The following ARID5B variants were observed in gnomAD, a reference collection of about 807,000 sequenced individuals.
ARID5B encodes AT-rich interactive domain-containing protein 5B.
A neutral mutation model predicts 97.2 loss-of-function variants in ARID5B; 13 were observed. The observed-to-expected ratio is 0.13, with a 90% confidence interval of 0.09 to 0.21. ARID5B has a LOEUF of 0.21. Ranked by LOEUF, ARID5B falls within the 10% of genes least tolerant of loss-of-function variation. The pLI is 1.00. For missense variants in ARID5B, 1,210 were observed against 1,465.3 expected, an observed-to-expected ratio of 0.83 and a Z score of 2.84; for synonymous variants, 556 against 570.3, an observed-to-expected ratio of 0.97 and a Z score of 0.36.
At chr10:61,928,753 CT>C in intron 2 of ARID5B, among the ~76,000 whole-genome samples, 1 of 152,312 alleles carries the variant, frequency 6.6e-6, no homozygotes, top group Non-Finnish European at 1.5e-5. Flanking sequence ...AAAGCTTCAT[CT>C]TGTTTGATCC....
At chr10:61,926,273 T>C (rs542245864) in intron 2 of ARID5B, among the ~76,000 whole-genome samples, 55 of 152,280 alleles carry the variant, frequency 3.6e-4, no homozygotes, top group African/African-American at 1.3e-3. Context: ...CCCCAGGGAA[T>C]TGGCAGGAGG....
At position 62,095,618 on chromosome 10, in the gene ARID5B, TGGG is replaced by T. The variant is rs1338090423; in HGVS notation, c.*2591_*2593del. On this transcript the variant is annotated 3_prime_UTR_variant, in exon 10 of 10. Transcript: ENST00000279873. ...AAACATCAGGACAAATAAAGAGAAA[TGGG>T]GGTACGCATTCCCAACAGAAGCAGT... 16 of 233,274 alleles carry T rather than the reference TGGG, an allele frequency of 6.9e-5. No homozygotes were observed. The East Asian group carries it at 9.7e-4, about 14-fold the overall frequency. 14.5% of individuals were successfully genotyped at this position (233,274 alleles called of 1,614,324 possible).
Position 62,000,155 on chromosome 10 carries a change from G to T in ARID5B, c.567G>T (p.Ser189=), listed in dbSNP as rs779369951. The T allele has an allele frequency of 8.7e-6, 14 of 1,613,884 alleles. No individual in the cohort carries two copies. The highest frequency in any genetic ancestry group is 1.1e-5 in the Non-Finnish European group (13 of 1,179,932). ...LSYPQYCRYR[S]MLKRIQDKPS... ...ACCCCCAGTACTGCCGGTACCGCTC[G>T]ATGCTGAAACGCATCCAGGATAAGC... Residue 189 remains serine, a synonymous_variant, in exon 4 of 10, where the codon TCG becomes TCT. Transcript: ENST00000279873. This position sits in a 1 kb window ranked among gnomAD's most constrained non-coding sequence, Gnocchi z 4.4.
At chr10:62,033,981 C>T (rs777815759) in intron 4 of ARID5B, among the ~76,000 whole-genome samples, 1 of 152,160 alleles carries the variant, frequency 6.6e-6, no homozygotes, top group Non-Finnish European at 1.5e-5. Context: ...GCAATTTTGC[C>T]AACTTCACCA....
At chr10:61,923,350 C>T (rs1272928635) in intron 2 of ARID5B, among the ~76,000 whole-genome samples, 1 of 152,092 alleles carries the variant, frequency 6.6e-6, no homozygotes, top group Non-Finnish European at 1.5e-5. Flanking sequence ...CCACCCCTTG[C>T]CCCATCAATG....
At chr10:62,056,399 G>A (rs1839857252) in intron 5 of ARID5B, among the ~76,000 whole-genome samples, 1 of 152,076 alleles carries the variant, frequency 6.6e-6, no homozygotes, top group Non-Finnish European at 1.5e-5. Flanking sequence ...TTCCTACTGA[G>A]GGTGTACCCC....
intron 8 of ARID5B, among the ~76,000 whole-genome samples, chr10:62,071,567 A>AAAG (rs1554849729): frequency 6.8e-6 from 1 of 146,832 alleles, no homozygotes; most frequent in East Asian, 2.0e-4. Context: ...AAAAAAAAAA[A>AAAG]AGAGAGAAGG....
chr10:62,057,072 C>A, intron 5 of ARID5B, 45 bp from the exon 6 acceptor site: 1 of 1,593,652 alleles, frequency 6.3e-7, no homozygotes, highest in South Asian at 1.1e-5. Context: ...GGTAAGCATC[C>A]TGGGGCTGTG....
At chr10:61,954,938 G>A (rs1395486712) in intron 3 of ARID5B, among the ~76,000 whole-genome samples, 4 of 151,900 alleles carry the variant, frequency 2.6e-5, no homozygotes, top group Admixed American at 6.6e-5. Flanking sequence ...CCTGGGAGGC[G>A]GAGGTCATGG....
intron 9 of ARID5B, among the ~76,000 whole-genome samples, chr10:62,090,099 A>G (rs1180011012): frequency 1.3e-5 from 2 of 152,154 alleles, no homozygotes; most frequent in Non-Finnish European, 2.9e-5. Flanking sequence ...CATTGACTAT[A>G]ATTTATTTCA....
At chr10:61,961,488 T>A (rs2132822269) in intron 3 of ARID5B, among the ~76,000 whole-genome samples, 1 of 152,246 alleles carries the variant, frequency 6.6e-6, no homozygotes, top group Non-Finnish European at 1.5e-5. Flanking sequence ...TTGGAACCGG[T>A]TGCGCTGAAT....
intron 4 of ARID5B, among the ~76,000 whole-genome samples, chr10:62,013,714 A>G (rs1212142526): frequency 6.6e-6 from 1 of 150,988 alleles, no homozygotes; most frequent in South Asian, 2.1e-4. Context: ...ACTCCACACA[A>G]TGCCCTCCAG....
At chr10:61,908,357 GTCACA>G (rs1201142713) in intron 2 of ARID5B, among the ~76,000 whole-genome samples, 1 of 152,160 alleles carries the variant, frequency 6.6e-6, no homozygotes, top group Admixed American at 6.5e-5. Flanking sequence ...AGCAATATGA[GTCACA>G]ACACATCAGT....
In ARID5B at chr10:62,008,194, C is replaced by T. The variant is rs376303497; in HGVS notation, c.733+7873C>T. Among the ~76,000 whole-genome samples, 34 of 152,132 alleles carry T rather than the reference C, an allele frequency of 2.2e-4. 2 individuals are homozygous for T. In the South Asian group the frequency reaches 6.2e-3, roughly 28 times the overall value. On this transcript the variant is annotated intron_variant, in intron 4 of 9. Coordinates refer to ENST00000279873, the MANE Select transcript of ARID5B (RefSeq NM_032199.3). Reference sequence around the variant, plus strand: ...CAGAGCAGTACCCAGCACATAGTAGCTGTAGTAAATATTGGTTACATGAAT... The same window carrying T: ...CAGAGCAGTACCCAGCACATAGTAGTTGTAGTAAATATTGGTTACATGAAT...
In ARID5B at chr10:61,957,052, A is replaced by G. The variant is rs746566176; in HGVS notation, c.502+16644A>G. On this transcript the variant is annotated intron_variant, in intron 3 of 9. Transcript: ENST00000279873. ...TTTTAAATTGTTTTTCTGAAAAGAC[A>G]GGAACTTACTATGTGCATTTTAGTG... is the stretch of plus-strand genomic sequence containing the variant. 8.5e-5 allele frequency among the ~76,000 whole-genome samples: 13 copies of G among 152,202 alleles called. 1 individual carries two copies. Among genetic ancestry groups the G allele is most frequent in the Non-Finnish European group, 1.6e-4 (11 of 68,036 alleles).
intron 4 of ARID5B, among the ~76,000 whole-genome samples, chr10:62,004,101 T>C (rs1206815183): frequency 2.6e-5 from 4 of 152,208 alleles, no homozygotes; most frequent in Admixed American, 1.3e-4. Flanking sequence ...AGTAAATATA[T>C]CCTGGTTTTA....
chr10:62,067,636 G>A (rs1185271487), intron 7 of ARID5B, among the ~76,000 whole-genome samples: 6 of 152,200 alleles, frequency 3.9e-5, no homozygotes, highest in Non-Finnish European at 7.3e-5. Context: ...TACAAGCATG[G>A]GCTATTCTCA....
At chr10:61,913,696 T>C (rs1451503925) in intron 2 of ARID5B, among the ~76,000 whole-genome samples, 1 of 152,206 alleles carries the variant, frequency 6.6e-6, no homozygotes, top group African/African-American at 2.4e-5. Context: ...ATCACTTTTA[T>C]AAAACAACTC....
rs1053149301 is a variant in ARID5B, at chr10:61,902,274, G to T, written c.137G>T (p.Cys46Phe). 1 of 1,614,082 alleles carries T rather than the reference G, an allele frequency of 6.2e-7. No homozygotes were observed. The highest frequency in any genetic ancestry group is 8.5e-7 in the Non-Finnish European group (1 of 1,180,036). The change falls in exon 2 of 10, where the codon TGT becomes TTT. Residue 46 changes from cysteine to phenylalanine, a missense_variant. Around this residue, in one of 8 missense-constraint regions of ARID5B, gnomAD observed 80 missense variants for 133.2 expected, o/e 0.60. Transcript: ENST00000279873. Reference protein sequence around the residue: ...LSLGDFFFVRCTPKDPICIAE... With the variant: ...LSLGDFFFVRFTPKDPICIAE... ...CTTGGCGACTTTTTCTTTGTAAGAT[G>T]TACGCCAAAGGATCCGATTTGCATA...
Sources: allele counts gnomAD v4.1 joint callset (sites outside exome capture counted in the v4.1 genomes callset), GRCh38; gene constraint gnomAD v4.1.1; regional missense constraint gnomAD v4.1.1; non-coding constraint Gnocchi (gnomAD v3.1); transcripts MANE v1.5; gene names NCBI Gene and HGNC (gene_info 2026-07-23, HGNC 2026-07-21).